MPPED2: variants seen among roughly 807,000 people sequenced by gnomAD.
MPPED2 encodes the protein metallophosphoesterase domain containing 2.
In MPPED2, 5 loss-of-function variants were observed where a neutral mutation model predicts 33.0. The ratio of observed to expected loss-of-function variants is 0.15; its 90% CI spans 0.08 to 0.32. The LOEUF is 0.32. Among genes scored for constraint, MPPED2 ranks in the 10% least tolerant of loss-of-function variants. The probability of loss-of-function intolerance (pLI) is 1.00; values close to 1 mark genes in which losing one functional copy is unlikely to be tolerated. For synonymous variants in MPPED2, 136 were observed against 141.9 expected (o/e 0.96, Z 0.29); for missense variants, 275 against 372.1 (o/e 0.74, Z 2.15).
chr11:30,442,618 G>A (rs1269408901), intron 4 of MPPED2, among the ~76,000 whole-genome samples: 2 of 152,178 alleles, frequency 1.3e-5, no homozygotes, highest in Non-Finnish European at 2.9e-5. Flanking sequence ...TGACACAGAG[G>A]CTAGAGTGAC....
chr11:30,566,851 ACAGTATCACTCACAGGTT>A (rs1243284599), intron 2 of MPPED2, among the ~76,000 whole-genome samples: 1 of 152,190 alleles, frequency 6.6e-6, no homozygotes, highest in Non-Finnish European at 1.5e-5. Flanking sequence ...CAGCCAAAGG[ACAGTATCACTCACAGGTT>A]CTGGGAGTAT....
chr11:30,423,409 A>G (rs1428669822), intron 4 of MPPED2, among the ~76,000 whole-genome samples: 2 of 152,206 alleles, frequency 1.3e-5, no homozygotes, highest in African/African-American at 2.4e-5. Context: ...CAGGGATTAC[A>G]GCTTGGAAGC....
intron 3 of MPPED2, among the ~76,000 whole-genome samples, chr11:30,519,169 C>T (rs992697495): frequency 2.0e-5 from 3 of 151,986 alleles, no homozygotes; most frequent in African/African-American, 7.3e-5. Flanking sequence ...ATGGTCCCAG[C>T]TACTTGGGAG....
chr11:30,439,708 G>A (rs1949480416), intron 4 of MPPED2, among the ~76,000 whole-genome samples: 1 of 152,144 alleles, frequency 6.6e-6, no homozygotes, highest in Non-Finnish European at 1.5e-5. Context: ...TATAGCCCAA[G>A]TAAACGAGAA....
intron 1 of MPPED2, among the ~76,000 whole-genome samples, chr11:30,583,043 A>AT (rs778494453): frequency 2.0e-5 from 3 of 149,834 alleles, no homozygotes; most frequent in Non-Finnish European, 4.4e-5. Flanking sequence ...GAAAAGGCTT[A>AT]TTTTTTAAAA....
At chr11:30,557,975 G>C (rs1956061810) in intron 2 of MPPED2, among the ~76,000 whole-genome samples, 1 of 152,150 alleles carries the variant, frequency 6.6e-6, no homozygotes, top group Non-Finnish European at 1.5e-5. Context: ...ATAAATACGA[G>C]TAAAGATAAT....
chr11:30,547,302 A>G (rs547567093), intron 2 of MPPED2, among the ~76,000 whole-genome samples: 169 of 152,370 alleles, frequency 1.1e-3, no homozygotes, highest in African/African-American at 4.1e-3. Flanking sequence ...TAGTCACTCA[A>G]CAAACATTTA....
intron 1 of MPPED2, among the ~76,000 whole-genome samples, chr11:30,585,469 G>A (rs1957419405): frequency 6.6e-6 from 1 of 152,072 alleles, no homozygotes; most frequent in Non-Finnish European, 1.5e-5. Flanking sequence ...CTGGCCTCGG[G>A]CCGCCGCGGG....
intron 3 of MPPED2, among the ~76,000 whole-genome samples, chr11:30,524,707 C>T (rs1411148601): frequency 6.6e-6 from 1 of 152,042 alleles, no homozygotes; most frequent in East Asian, 1.9e-4. Context: ...CAGAAAGACA[C>T]TCAGGAAGTG....
At chr11:30,431,947 G>T (rs1471543144) in intron 4 of MPPED2, among the ~76,000 whole-genome samples, 1 of 152,104 alleles carries the variant, frequency 6.6e-6, no homozygotes, top group East Asian at 1.9e-4. Context: ...GGCCAAGGTG[G>T]GTGGATCACC....
intron 6 of MPPED2, among the ~76,000 whole-genome samples, chr11:30,389,276 C>T (rs946410333): frequency 6.6e-6 from 1 of 152,172 alleles, no homozygotes; most frequent in Non-Finnish European, 1.5e-5. Context: ...AGGTTGGGTA[C>T]ATTCCCAACT....
intron 4 of MPPED2, among the ~76,000 whole-genome samples, chr11:30,432,848 G>A (rs487742): frequency 0.6 from 90,646 of 152,074 alleles, 28,331 homozygotes; most frequent in African/African-American, 0.8. Context: ...CCTGGTTGGA[G>A]CTAAAGTGTC....
intron 4 of MPPED2, among the ~76,000 whole-genome samples, chr11:30,434,876 G>A (rs149360385): frequency 3.9e-4 from 59 of 152,020 alleles, no homozygotes; most frequent in African/African-American, 1.3e-3. Flanking sequence ...TTTTACAGAC[G>A]ATCGAATGAG....
At chr11:30,410,121 T>G, downstream of MPPED2, 1 of 985,268 alleles carries the variant, frequency 1.0e-6, no homozygotes, top group Non-Finnish European at 1.2e-6. Flanking sequence ...TCACTTATTC[T>G]AATTCTTCTG....
At chr11:30,571,574 C>G (rs777012847) in intron 2 of MPPED2, among the ~76,000 whole-genome samples, 6 of 152,064 alleles carry the variant, frequency 3.9e-5, no homozygotes, top group Non-Finnish European at 7.4e-5. Context: ...ATAGTCTAAC[C>G]ATGCTAGGAT....
At chr11:30,520,844 GAGT>G (rs1953833183) in intron 3 of MPPED2, among the ~76,000 whole-genome samples, 1 of 152,178 alleles carries the variant, frequency 6.6e-6, no homozygotes, top group Admixed American at 6.5e-5. Context: ...TGTACAAGAA[GAGT>G]AGCAGCCAAG....
intron 4 of MPPED2, 34 bp from the exon 5 acceptor site, chr11:30,417,667 A>G (rs1173547843): frequency 7.9e-7 from 1 of 1,272,280 alleles, no homozygotes; most frequent in Non-Finnish European, 1.1e-6. Flanking sequence ...GTATCAGGCC[A>G]GCAGAGCCAC....
chr11:30,567,100 T>C (rs1013615619), intron 2 of MPPED2, among the ~76,000 whole-genome samples: 2 of 152,184 alleles, frequency 1.3e-5, no homozygotes, highest in Non-Finnish European at 2.9e-5. Flanking sequence ...GCTGGACTTA[T>C]AATGCATCTT....
At chr11:30,543,371 C>T (rs1225133251) in intron 2 of MPPED2, among the ~76,000 whole-genome samples, 1 of 152,112 alleles carries the variant, frequency 6.6e-6, no homozygotes, top group Non-Finnish European at 1.5e-5. Context: ...GCTGTGTGAC[C>T]CTGGGCAAGT....
Sources: gnomAD v4.1 joint callset for allele counts (sites outside exome capture counted in the v4.1 genomes callset) on GRCh38, gnomAD v4.1.1 for gene constraint, MANE v1.5 for transcripts, NCBI Gene and HGNC (gene_info 2026-07-23, HGNC 2026-07-21) for gene names.